SLC24A3: variants seen among roughly 807,000 people sequenced by gnomAD.
The protein encoded by SLC24A3 is sodium/potassium/calcium exchanger 3.
SLC24A3 carries 28 observed loss-of-function variants against 75.8 expected under a neutral mutation model. The observed-to-expected ratio is 0.37, with a 90% CI of 0.27 to 0.51. SLC24A3 has a LOEUF of 0.51. Among genes scored for constraint, SLC24A3 ranks in the 20% least tolerant of loss-of-function variants. The pLI is 0.94. For synonymous variants in SLC24A3, 372 were observed against 334.1 expected (o/e 1.11, Z -1.24); for missense variants, 663 against 847.8 (o/e 0.78, Z 2.71).
At chr20:19,429,501 A>G (rs193280043) in intron 2 of SLC24A3, among the ~76,000 whole-genome samples, 155 of 152,240 alleles carry the variant, frequency 1.0e-3, no homozygotes, top group Non-Finnish European at 1.9e-3. Flanking sequence ...CTTTGTATCT[A>G]CCCCTCATTC....
chr20:19,351,653 T>C (rs1438781869), intron 2 of SLC24A3, among the ~76,000 whole-genome samples: 1 of 152,124 alleles, frequency 6.6e-6, no homozygotes, highest in Non-Finnish European at 1.5e-5. Flanking sequence ...GCATCTTTTA[T>C]CGATAGTTGG....
chr20:19,418,178 G>A (rs1015870852), intron 2 of SLC24A3, among the ~76,000 whole-genome samples: 14 of 152,142 alleles, frequency 9.2e-5, no homozygotes, highest in African/African-American at 2.4e-5. Flanking sequence ...AAGTGGAAAA[G>A]CAGGACAAAA....
At chr20:19,448,392 A>C (rs1293153789) in intron 2 of SLC24A3, among the ~76,000 whole-genome samples, 1 of 152,224 alleles carries the variant, frequency 6.6e-6, no homozygotes, top group Non-Finnish European at 1.5e-5. Flanking sequence ...CACATTTTTC[A>C]ATGTGCAAAC....
At chr20:19,556,405 C>A (rs1375763179) in intron 3 of SLC24A3, among the ~76,000 whole-genome samples, 1 of 152,074 alleles carries the variant, frequency 6.6e-6, no homozygotes, top group Non-Finnish European at 1.5e-5. Context: ...CTCTCTCCCA[C>A]CCCATCGTCC....
intron 2 of SLC24A3, among the ~76,000 whole-genome samples, chr20:19,281,432 G>T (rs890421362): frequency 1.3e-5 from 2 of 152,170 alleles, no homozygotes; most frequent in African/African-American, 4.8e-5. Context: ...GATTGCTTTG[G>T]TCCTCTTTGG....
chr20:19,633,853 T>C (rs1156230597), intron 6 of SLC24A3, among the ~76,000 whole-genome samples: 1 of 151,822 alleles, frequency 6.6e-6, no homozygotes, highest in Non-Finnish European at 1.5e-5. Context: ...TCTTAAGGAG[T>C]TGTGTGAGAA....
chr20:19,401,354 G>A (rs1449076123), intron 2 of SLC24A3, among the ~76,000 whole-genome samples: 4 of 152,312 alleles, frequency 2.6e-5, no homozygotes, highest in East Asian at 1.9e-4. Context: ...CAGAGGAACC[G>A]ATGAAAGATT....
At chr20:19,659,566 T>C (rs1474050418) in intron 7 of SLC24A3, among the ~76,000 whole-genome samples, 2 of 152,236 alleles carry the variant, frequency 1.3e-5, no homozygotes, top group Non-Finnish European at 2.9e-5. Context: ...GTGTTGGGTC[T>C]ACTGATAATT....
chr20:19,398,356 A>G (rs1050788727), intron 2 of SLC24A3, among the ~76,000 whole-genome samples: 1 of 152,130 alleles, frequency 6.6e-6, no homozygotes, highest in Non-Finnish European at 1.5e-5. Flanking sequence ...TCTCTCAGCA[A>G]TGTTTTGTAA....
chr20:19,438,274 C>T (rs1317262521), intron 2 of SLC24A3, among the ~76,000 whole-genome samples: 1 of 152,146 alleles, frequency 6.6e-6, no homozygotes, highest in Admixed American at 6.5e-5. Flanking sequence ...CACTTCAGGG[C>T]AGTAAATTGA....
At chr20:19,367,003 G>T (rs1985903702) in intron 2 of SLC24A3, among the ~76,000 whole-genome samples, 1 of 152,212 alleles carries the variant, frequency 6.6e-6, no homozygotes, top group Non-Finnish European at 1.5e-5. Context: ...ATATCCAAAA[G>T]AACCTATTGT....
chr20:19,587,223 G>A (rs1022061802), intron 6 of SLC24A3, among the ~76,000 whole-genome samples: 2 of 152,214 alleles, frequency 1.3e-5, no homozygotes, highest in African/African-American at 4.8e-5. Flanking sequence ...AAGGAAGAGA[G>A]ATAATGTAGA....
At chr20:19,262,753 A>G (rs1323360174) in intron 1 of SLC24A3, among the ~76,000 whole-genome samples, 1 of 152,200 alleles carries the variant, frequency 6.6e-6, no homozygotes, top group African/African-American at 2.4e-5. Context: ...GGGGACATTT[A>G]CTAATCCCAC....
At chr20:19,515,637 G>C (rs1450028674) in intron 3 of SLC24A3, 73 bp downstream of exon 3, 20 of 1,474,528 alleles carry the variant, frequency 1.4e-5, no homozygotes, top group Non-Finnish European at 1.9e-6. Context: ...TGGCACCTGA[G>C]GTGCCCCCAG....
At chr20:19,567,981 TAGA>T (rs1158494719) in intron 3 of SLC24A3, among the ~76,000 whole-genome samples, 5 of 151,114 alleles carry the variant, frequency 3.3e-5, no homozygotes, top group African/African-American at 1.2e-4. Context: ...AGGACTTGAA[TAGA>T]CTTTTCTGCA....
At chr20:19,379,162 G>A (rs1380069674) in intron 2 of SLC24A3, among the ~76,000 whole-genome samples, 1 of 152,160 alleles carries the variant, frequency 6.6e-6, no homozygotes, top group Non-Finnish European at 1.5e-5. Context: ...GATTATTGCT[G>A]ATTTCATCAT....
chr20:19,312,553 A>G (rs1984485695), intron 2 of SLC24A3, among the ~76,000 whole-genome samples: 1 of 152,202 alleles, frequency 6.6e-6, no homozygotes, highest in Admixed American at 6.5e-5. Flanking sequence ...GAGGCCCAGA[A>G]GGTGGGATTC....
chr20:19,430,867 C>T (rs1388598148), intron 2 of SLC24A3, among the ~76,000 whole-genome samples: 1 of 152,178 alleles, frequency 6.6e-6, no homozygotes, highest in African/African-American at 2.4e-5. Context: ...CATGCACACA[C>T]ATACGCAGAC....
chr20:19,409,601 A>G (rs1986709241), intron 2 of SLC24A3, among the ~76,000 whole-genome samples: 2 of 152,246 alleles, frequency 1.3e-5, no homozygotes, highest in Non-Finnish European at 2.9e-5. Context: ...GATTGTAACA[A>G]GCAAGGAAAA....
Sources: gnomAD v4.1 joint callset for allele counts (sites outside exome capture counted in the v4.1 genomes callset) on GRCh38, gnomAD v4.1.1 for gene constraint, MANE v1.5 for transcripts, NCBI Gene and HGNC (gene_info 2026-07-23, HGNC 2026-07-21) for gene names.